GLRA3: variants seen among roughly 807,000 people sequenced by gnomAD.
GLRA3 encodes the protein glycine receptor subunit alpha-3.
A neutral mutation model predicts 60.4 loss-of-function variants in GLRA3; 44 were observed. The ratio of observed to expected loss-of-function variants is 0.73; its 90% CI spans 0.57 to 0.94. The LOEUF (loss-of-function observed/expected upper bound fraction) is 0.94. Ranked by LOEUF, GLRA3 falls within the 40% of genes least tolerant of loss-of-function variation. The pLI, the probability that GLRA3 is intolerant of heterozygous loss-of-function variation, is 0.00. For synonymous variants in GLRA3, 223 were observed against 192.9 expected, an observed-to-expected ratio of 1.16 and a Z score of -1.29; for missense variants, 508 against 564.6, an observed-to-expected ratio of 0.90 and a Z score of 1.02.
At chr4:174,726,832 A>G (rs1736344170) in intron 4 of GLRA3, among the ~76,000 whole-genome samples, 1 of 137,450 alleles carries the variant, frequency 7.3e-6, no homozygotes, top group African/African-American at 2.7e-5. Flanking sequence ...ATCTTTTGAT[A>G]TTTAGTGGTG....
At chr4:174,725,770 A>G (rs1736299717) in intron 4 of GLRA3, among the ~76,000 whole-genome samples, 1 of 152,152 alleles carries the variant, frequency 6.6e-6, no homozygotes, top group Admixed American at 6.6e-5. Context: ...GGTGTGAGCC[A>G]CCACTCCTGG....
chr4:174,667,894 G>T (rs1350123476), intron 7 of GLRA3, among the ~76,000 whole-genome samples: 1 of 151,992 alleles, frequency 6.6e-6, no homozygotes, highest in Non-Finnish European at 1.5e-5. Context: ...ATATGGTTTG[G>T]ATCTGTGCCC....
chr4:174,714,247 C>T (rs990789391), intron 5 of GLRA3, among the ~76,000 whole-genome samples: 6 of 152,134 alleles, frequency 3.9e-5, no homozygotes, highest in Non-Finnish European at 4.4e-5. Flanking sequence ...GGGTCCCGCA[C>T]ATTTTAAACT....
intron 5 of GLRA3, among the ~76,000 whole-genome samples, chr4:174,689,549 T>C (rs1024002215): frequency 6.6e-5 from 10 of 151,724 alleles, no homozygotes; most frequent in Non-Finnish European, 8.8e-5. Flanking sequence ...ATCCATTAAG[T>C]AACTTCTCAA....
intron 2 of GLRA3, among the ~76,000 whole-genome samples, chr4:174,781,105 A>G (rs917793923): frequency 3.3e-5 from 5 of 152,194 alleles, no homozygotes. Context: ...AGAGATTATA[A>G]CAAACTATCT....
In GLRA3 at chr4:174,762,462, T is replaced by A. The variant is rs536115243; in HGVS notation, c.267+4501A>T. On this transcript the variant is annotated intron_variant, in intron 3 of 9. Coordinates refer to ENST00000274093, the MANE Select transcript of GLRA3 (RefSeq NM_006529.4). The stretch of plus-strand genomic sequence containing the variant: ...AAGCTGCTTATCATCTCAGTGATTT[T>A]TTTCTTCAAGATTATTCATTTTTGG... 2.3e-4 allele frequency among the ~76,000 whole-genome samples: 35 copies of A among 152,292 alleles called. No homozygotes were observed. The South Asian group carries it at 7.2e-3, about 32-fold the overall frequency.
intron 3 of GLRA3, among the ~76,000 whole-genome samples, chr4:174,730,480 T>G (rs1736510257): frequency 6.6e-6 from 1 of 152,202 alleles, no homozygotes; most frequent in Non-Finnish European, 1.5e-5. Context: ...AGATACATAA[T>G]CAAGTTGTTT....
chr4:174,643,814 T>C lies in GLRA3; in HGVS notation c.1367A>G (p.His456Arg), dbSNP rs1732702648. Residue 456 changes from histidine to arginine, a missense_variant, in exon 10 of 10, where the codon CAT (histidine) becomes CGT (arginine). His to Arg is a conservative substitution (Grantham distance 29). Coordinates refer to ENST00000274093, the MANE Select transcript of GLRA3 (RefSeq NM_006529.4). ...FYWVIYKILRHEDIHQQQD is the reference protein window; with the variant it reads ...FYWVIYKILRREDIHQQQD The stretch of plus-strand genomic sequence containing the variant: ...ATCTTGCTGCTGATGAATATCCTCA[T>C]GCCTAAGAATTTTATAGATAACCCA... 1 of 1,613,474 alleles carries C rather than the reference T, an allele frequency of 6.2e-7. No individual in the cohort carries two copies. The highest frequency in any genetic ancestry group is 1.3e-5 in the African/African-American group (1 of 74,844).
At chr4:174,785,556 G>A (rs1473873075) in intron 2 of GLRA3, among the ~76,000 whole-genome samples, 4 of 152,102 alleles carry the variant, frequency 2.6e-5, no homozygotes, top group Non-Finnish European at 5.9e-5. Context: ...GTCTGATAAT[G>A]TCCATACTGA....
intron 1 of GLRA3, among the ~76,000 whole-genome samples, chr4:174,826,765 T>A (rs1279044060): frequency 6.6e-6 from 1 of 152,114 alleles, no homozygotes; most frequent in Non-Finnish European, 1.5e-5. Context: ...GTTTTCATCT[T>A]TTTTCTTGTT....
chr4:174,686,214 G>A (rs1253990189), intron 5 of GLRA3, among the ~76,000 whole-genome samples: 1 of 152,196 alleles, frequency 6.6e-6, no homozygotes, highest in African/African-American at 2.4e-5. Flanking sequence ...TAACAACTAA[G>A]TGGTAATATT....
chr4:174,649,935 T>A (rs997787341), intron 9 of GLRA3, among the ~76,000 whole-genome samples: 1 of 152,138 alleles, frequency 6.6e-6, no homozygotes, highest in African/African-American at 2.4e-5. Context: ...CAGTATGTTG[T>A]CACAACCGGA....
In GLRA3 at chr4:174,643,183, T is replaced by G. The variant is rs943394245; in HGVS notation, c.*603A>C. On this transcript the variant is annotated 3_prime_UTR_variant, in exon 10 of 10. Coordinates refer to ENST00000274093, the MANE Select transcript of GLRA3 (RefSeq NM_006529.4). ...TTTTAAATTTGCACAGAGGAAAACT[T>G]AATATTCTAAACAATTAAATTTAGT... is the stretch of plus-strand genomic sequence containing the variant. The G allele has an allele frequency of 1.1e-5, 9 of 819,852 alleles. No individual in the cohort carries two copies. Among genetic ancestry groups the G allele is most frequent in the Non-Finnish European group, 1.3e-5 (9 of 679,846 alleles). 50.8% of individuals were successfully genotyped at this position (819,852 alleles called of 1,614,324 possible).
intron 7 of GLRA3, among the ~76,000 whole-genome samples, chr4:174,659,958 T>C (rs1341394188): frequency 3.3e-5 from 4 of 122,572 alleles, no homozygotes; most frequent in Admixed American, 1.8e-4. Flanking sequence ...GGCAAAAGAG[T>C]AGAATTCTGT....
intron 6 of GLRA3, 101 bp from the exon 7 acceptor site, chr4:174,677,393 T>C: frequency 1.5e-6 from 1 of 688,928 alleles, no homozygotes; most frequent in Non-Finnish European, 2.5e-6. Flanking sequence ...AGGGTCTCAC[T>C]CTGTCCCCCA....
chr4:174,771,227 T>C (rs1001704530), intron 2 of GLRA3, among the ~76,000 whole-genome samples: 1 of 151,968 alleles, frequency 6.6e-6, no homozygotes. Context: ...AAACTTAAAG[T>C]ATAATAATGA....
chr4:174,744,191 C>T (rs1311646102), intron 3 of GLRA3, among the ~76,000 whole-genome samples: 5 of 152,238 alleles, frequency 3.3e-5, no homozygotes, highest in Admixed American at 6.5e-5. Flanking sequence ...CACCACCGTG[C>T]GGTGCTTGGG....
intron 5 of GLRA3, among the ~76,000 whole-genome samples, chr4:174,714,093 C>G (rs1735818847): frequency 6.6e-6 from 1 of 152,178 alleles, no homozygotes; most frequent in Non-Finnish European, 1.5e-5. Flanking sequence ...CTTTGTCCTA[C>G]TTTCTGTTCT....
intron 3 of GLRA3, among the ~76,000 whole-genome samples, chr4:174,766,710 T>G (rs948843816): frequency 2.0e-5 from 3 of 152,090 alleles, no homozygotes; most frequent in Non-Finnish European, 4.4e-5. Context: ...ATTTTAGCTT[T>G]TAATTTGAAG....
Sources: gnomAD v4.1 joint callset for allele counts (sites outside exome capture counted in the v4.1 genomes callset) on GRCh38, gnomAD v4.1.1 for gene constraint, MANE v1.5 for transcripts, NCBI Gene and HGNC (gene_info 2026-07-23, HGNC 2026-07-21) for gene names.